The following NFASC variants were observed in gnomAD, a reference collection of about 807,000 sequenced individuals.
NFASC encodes the protein neurofascin.
In NFASC, 43 loss-of-function variants were observed where a neutral mutation model predicts 147.5. The ratio of observed to expected loss-of-function variants is 0.29; its 90% CI spans 0.23 to 0.38. The LOEUF (loss-of-function observed/expected upper bound fraction) is 0.38. Among genes scored for constraint, NFASC ranks in the 10% least tolerant of loss-of-function variants. NFASC has a pLI of 1.00. For missense variants in NFASC, 1,320 were observed against 1,689.0 expected (o/e 0.78, Z 3.83); for synonymous variants, 622 against 665.5 (o/e 0.93, Z 1.01).
intron 1 of NFASC, among the ~76,000 whole-genome samples, chr1:204,914,083 AAAT>A (rs1420774513): frequency 1.3e-5 from 2 of 152,218 alleles, no homozygotes; most frequent in African/African-American, 4.8e-5. Context: ...TCAGGAAAAA[AAAT>A]AATGATGTGG....
intron 1 of NFASC, among the ~76,000 whole-genome samples, chr1:204,872,262 A>C (rs1418573059): frequency 1.3e-5 from 2 of 152,198 alleles, no homozygotes; most frequent in East Asian, 3.8e-4. Flanking sequence ...TTCCCTGAGC[A>C]TCACGCATCC....
In NFASC at chr1:205,016,375, A is replaced by G; in HGVS notation, c.3559A>G (p.Ser1187Gly). 1 of 1,614,040 alleles carries G rather than the reference A, an allele frequency of 6.2e-7. No individual in the cohort carries two copies. Among genetic ancestry groups the G allele is most frequent in the Non-Finnish European group, 8.5e-7 (1 of 1,179,984 alleles). The change falls in exon 30 of 30, where the codon AGT becomes GGT. Residue 1187 changes from serine (S) to glycine (G), a missense_variant. By Grantham distance (56) the Ser-to-Gly change is moderately conservative. This residue lies in a region of NFASC where 167 missense variants were observed against 233.8 expected (regional missense o/e 0.71). Transcript: ENST00000339876. The surrounding 1 kb of genome is among the most constrained non-coding windows in gnomAD (Gnocchi z 5.1). ...GGACGGCACCATCAAGCAGCAGGAG[A>G]GTGACGACAGCCTGGTGGACTATGG... ...SLDGTIKQQE[S>G]DDSLVDYGEG...
At chr1:204,981,461 T>A (rs2095507699) in intron 20 of NFASC, among the ~76,000 whole-genome samples, 2 of 152,288 alleles carry the variant, frequency 1.3e-5, no homozygotes, top group Non-Finnish European at 2.9e-5. Flanking sequence ...ACCTTTTGTC[T>A]ATATTTTGCT....
chr1:204,850,883 T>G (rs578063135), intron 1 of NFASC, among the ~76,000 whole-genome samples: 2 of 152,372 alleles, frequency 1.3e-5, no homozygotes, highest in East Asian at 3.9e-4. Context: ...CTTAGTCTAT[T>G]GTTTATTTTA....
intron 2 of NFASC, among the ~76,000 whole-genome samples, chr1:204,928,040 G>A (rs2091918881): frequency 6.6e-6 from 1 of 152,178 alleles, no homozygotes; most frequent in South Asian, 2.1e-4. Flanking sequence ...GTGGAGGCAG[G>A]CAATACACCC....
chr1:205,007,489 AAAG>A (rs899810220), intron 27 of NFASC, among the ~76,000 whole-genome samples: 12 of 151,150 alleles, frequency 7.9e-5, no homozygotes, highest in African/African-American at 2.4e-4. Context: ...GGAAGAGAAA[AAAG>A]AAAGGGAGGG....
In NFASC at chr1:204,948,269, C is replaced by T. The variant is rs141410304; in HGVS notation, c.92-2288C>T. 4.6e-5 allele frequency among the ~76,000 whole-genome samples: 7 copies of T among 152,366 alleles called. No homozygotes were observed. In the East Asian group the frequency reaches 1.4e-3, roughly 29 times the overall value. On this transcript the variant is annotated intron_variant, in intron 3 of 29. Coordinates refer to ENST00000339876, the MANE Select transcript of NFASC (RefSeq NM_001005388.3). ...GGGTGGGAGCTTGGTCACCCTCATC[C>T]GTACAAGCTGTCCCCACTGTCTTCT... is the stretch of plus-strand genomic sequence containing the variant.
In NFASC at chr1:204,925,271, A is replaced by G. The variant is rs75676354; in HGVS notation, c.-91+4531A>G. On this transcript the variant is annotated intron_variant, in intron 2 of 29. Transcript: ENST00000339876. ...AATTGTCACAGCAACCTTGTAATAA[A>G]TAAGTGCATTTATCCCACTTTTAAA... 4.9e-3 allele frequency among the ~76,000 whole-genome samples: 739 copies of G among 152,354 alleles called. 8 individuals are homozygous for G. Among genetic ancestry groups the G allele is most frequent in the African/African-American group, 0.017 (713 of 41,578 alleles).
At chr1:204,951,316 T>G (rs1322856657) in intron 4 of NFASC, among the ~76,000 whole-genome samples, 3 of 32,618 alleles carry the variant, frequency 9.2e-5, no homozygotes, top group Non-Finnish European at 2.3e-4. Context: ...GCCCGGCTAA[T>G]TTTTTTTTTT....
chr1:204,977,825 T>C, intron 17 of NFASC, 100 bp downstream of exon 17: 2 of 1,094,120 alleles, frequency 1.8e-6, no homozygotes, highest in Non-Finnish European at 2.7e-6. Context: ...GGCGACAGTG[T>C]GTAGGTTTGT....
rs368738014 is a variant in NFASC at position 204,974,721 on chromosome 1, C to T, written c.1456C>T (p.Leu486=). 6.2e-7 allele frequency: 1 copy of T among 1,614,184 alleles called. No individual in the cohort carries two copies. The highest frequency in any genetic ancestry group is 8.5e-7 in the Non-Finnish European group (1 of 1,180,034). Residue 486 remains leucine, a synonymous_variant, in exon 14 of 30, where the codon CTG becomes TTG. Transcript: ENST00000339876. ...GNYHVYENGS[L]EIKMIRKEDQ... ...CTACCATGTTTATGAGAACGGCAGTCTGGAAATTAAGATGATCCGCAAAGA... is the reference window on the plus strand; with the variant it reads ...CTACCATGTTTATGAGAACGGCAGTTTGGAAATTAAGATGATCCGCAAAGA...
At chr1:204,944,472 G>GTTGGC in intron 3 of NFASC, 66 bp downstream of exon 3, 4 of 402,570 alleles carry the variant, frequency 9.9e-6, no homozygotes, top group East Asian at 6.4e-5. Flanking sequence ...GGAGGGGAGG[G>GTTGGC]AAGGTCAGAG....
chr1:204,878,767 A>G lies in NFASC; in HGVS notation c.-199-41865A>G, dbSNP rs185997941. Among the ~76,000 whole-genome samples, 117 of 152,278 alleles carry G rather than the reference A, an allele frequency of 7.7e-4. 1 individual carries two copies. Among genetic ancestry groups the G allele is most frequent in the South Asian group, 4.1e-3 (20 of 4,820 alleles). On this transcript the variant is annotated intron_variant, in intron 1 of 29. Transcript: ENST00000339876. ...GGTGTGTTTTGGAAGAGGGTAGGAGAGTCGGCAGATCTGGGCACCGTGGAG... is the reference window on the plus strand; with the variant it reads ...GGTGTGTTTTGGAAGAGGGTAGGAGGGTCGGCAGATCTGGGCACCGTGGAG...
intron 2 of NFASC, among the ~76,000 whole-genome samples, chr1:204,933,298 G>A (rs2595958): frequency 1.4e-4 from 22 of 152,082 alleles, no homozygotes; most frequent in South Asian, 4.2e-4. Flanking sequence ...GGGAGAATGC[G>A]GGGGAGATGG....
intron 1 of NFASC, among the ~76,000 whole-genome samples, chr1:204,894,960 A>G (rs933346176): frequency 5.9e-5 from 9 of 152,186 alleles, no homozygotes; most frequent in African/African-American, 2.2e-4. Context: ...TGTTGCCTCC[A>G]AAAGAGACTT....
rs1204130631 is a variant in NFASC at position 204,986,190 on chromosome 1, C to T, written c.2471-1228C>T. ...CACCTTGGGCCTGGAGAAACTCCAG[C>T]GTGGCTCAGCATGGATGGCACAAGG... On this transcript the variant is annotated intron_variant, in intron 21 of 29. Transcript: ENST00000339876. The surrounding 1 kb of genome is among the most constrained non-coding windows in gnomAD (Gnocchi z 4.2). 10 of 1,130,792 alleles carry T rather than the reference C, an allele frequency of 8.8e-6. No individual in the cohort carries two copies. The highest frequency in any genetic ancestry group is 7.6e-5 in the African/African-American group (5 of 65,496). The allele number at this position is 1,130,792 out of a possible 1,614,324, so 70.0% of individuals were successfully genotyped here.
At chr1:204,992,212 C>T (rs530062160) in intron 24 of NFASC, among the ~76,000 whole-genome samples, 35 of 152,160 alleles carry the variant, frequency 2.3e-4, no homozygotes, top group Non-Finnish European at 5.1e-4. Flanking sequence ...GAAATGAGAA[C>T]AGGATTCACC....
chr1:204,968,101 T>C lies in NFASC; in HGVS notation c.707-148T>C. 3.2e-6 allele frequency: 2 copies of C among 630,420 alleles called. No individual in the cohort carries two copies. Among genetic ancestry groups the C allele is most frequent in the Non-Finnish European group, 5.8e-6 (2 of 347,342 alleles). The allele number at this position is 630,420 out of a possible 1,614,324, so 39.1% of individuals were successfully genotyped here. A position where few individuals can be genotyped will look rare whatever the true frequency, so the allele number is the denominator to read the frequency against. ...CCCTGGGCTTCCTAACACACCTCAC[T>C]TAATGATGCCCAAGTCCTTGGGATG... On this transcript the variant is annotated intron_variant, in intron 8 of 29. Transcript: ENST00000339876. The surrounding 1 kb of genome is among the most constrained non-coding windows in gnomAD (Gnocchi z 5.4).
chr1:205,010,863 A>T lies in NFASC; in HGVS notation c.3421+1175A>T, dbSNP rs1312547683. On this transcript the variant is annotated intron_variant, in intron 28 of 29. Coordinates refer to ENST00000339876, the MANE Select transcript of NFASC (RefSeq NM_001005388.3). This position sits in a 1 kb window ranked among gnomAD's most constrained non-coding sequence, Gnocchi z 4.1. ...GGTTGCAGTGAGCCGAAATCGTGCC[A>T]CTGCACTCCAGCCTGGGCGGCAGAG... 1.3e-5 allele frequency: 2 copies of T among 151,518 alleles called. No individual in the cohort carries two copies. The highest frequency in any genetic ancestry group is 4.9e-5 in the African/African-American group (2 of 41,206). The allele number at this position is 151,518 out of a possible 1,614,324, so 9.4% of individuals were successfully genotyped here.
Sources: gnomAD v4.1 joint callset for allele counts (sites outside exome capture counted in the v4.1 genomes callset) on GRCh38, gnomAD v4.1.1 for gene constraint, gnomAD v4.1.1 regional missense constraint, Gnocchi (gnomAD v3.1) non-coding constraint, MANE v1.5 for transcripts, NCBI Gene and HGNC (gene_info 2026-07-23, HGNC 2026-07-21) for gene names.